Variants in PCDHA13 observed in about 807,000 individuals in gnomAD.
PCDHA13 encodes the protein protocadherin alpha 13, also known as protocadherin alpha-13.
In PCDHA13, 54 loss-of-function variants were observed where a neutral mutation model predicts 64.8. That is an observed-to-expected ratio of 0.83 (90% CI 0.67 to 1.04). The LOEUF is 1.04. Ranked by LOEUF, PCDHA13 falls within the 50% of genes least tolerant of loss-of-function variation. The pLI, the probability that PCDHA13 is intolerant of heterozygous loss-of-function variation, is 0.00. For missense variants in PCDHA13, 1,248 were observed against 1,254.3 expected (o/e 0.99, Z 0.08); for synonymous variants, 587 against 564.4 (o/e 1.04, Z -0.57).
intron 1 of PCDHA13, among the ~76,000 whole-genome samples, chr5:140,924,421 A>G (rs2081827627): frequency 6.6e-6 from 1 of 152,172 alleles, no homozygotes; most frequent in Non-Finnish European, 1.5e-5. Flanking sequence ...TGCCCTTTCT[A>G]GTTCCCTAGA....
intron 1 of PCDHA13, among the ~76,000 whole-genome samples, chr5:140,963,794 A>G (rs2095791576): frequency 6.6e-6 from 1 of 152,248 alleles, no homozygotes; most frequent in Non-Finnish European, 1.5e-5. Flanking sequence ...ACAATAATGT[A>G]CTTAACTAGT....
At chr5:140,908,662 G>C (rs1489476593) in intron 1 of PCDHA13, among the ~76,000 whole-genome samples, 4 of 152,114 alleles carry the variant, frequency 2.6e-5, no homozygotes, top group Non-Finnish European at 4.4e-5. Context: ...CCTGCCAAAG[G>C]CTCCAAATAG....
chr5:140,954,737 T>C (rs1208625491), intron 1 of PCDHA13, among the ~76,000 whole-genome samples: 38 of 152,210 alleles, frequency 2.5e-4, no homozygotes, highest in Non-Finnish European at 1.5e-5. Flanking sequence ...TTCACTCTGA[T>C]GATAGTTTCT....
At chr5:140,919,658 T>G (rs1271844986) in intron 1 of PCDHA13, among the ~76,000 whole-genome samples, 1 of 152,230 alleles carries the variant, frequency 6.6e-6, no homozygotes, top group South Asian at 2.1e-4. Context: ...GTTTACCATA[T>G]ATATTTTAGC....
intron 1 of PCDHA13, among the ~76,000 whole-genome samples, chr5:140,898,404 A>G (rs1170692741): frequency 1.3e-5 from 2 of 152,242 alleles, no homozygotes; most frequent in Non-Finnish European, 2.9e-5. Flanking sequence ...AGCTTTCTAC[A>G]TACGGCTAGC....
chr5:140,904,416 A>T (rs930452191), intron 1 of PCDHA13, among the ~76,000 whole-genome samples: 1 of 150,980 alleles, frequency 6.6e-6, no homozygotes, highest in Non-Finnish European at 1.5e-5. Context: ...TATATAATAC[A>T]TATATTTTAT....
rs2096504149 is a variant in PCDHA13 at position 140,971,885 on chromosome 5, T to G, written c.2395-7064T>G. Among the ~76,000 whole-genome samples the G allele has an allele frequency of 2.0e-5, 3 of 152,134 alleles. No individual in the cohort carries two copies. In the South Asian group the frequency reaches 6.2e-4, roughly 31 times the overall value. ...ACATCTAGCATATGAGGAAATAAGC[T>G]CAGGGAGGTTAGGTAATCTACACAG... On this transcript the variant is annotated intron_variant, in intron 1 of 3. Coordinates refer to ENST00000289272, the MANE Select transcript of PCDHA13 (RefSeq NM_018904.3).
intron 1 of PCDHA13, chr5:140,968,356 C>T (rs1586289885): frequency 1.2e-6 from 2 of 1,614,062 alleles, no homozygotes; most frequent in Non-Finnish European, 1.7e-6. Context: ...CCAGTGGCAG[C>T]CTTTATGCTG....
At chr5:140,903,609 A>G (rs565435427) in intron 1 of PCDHA13, among the ~76,000 whole-genome samples, 2 of 152,360 alleles carry the variant, frequency 1.3e-5, no homozygotes, top group Admixed American at 6.5e-5. Flanking sequence ...CTTAATACAC[A>G]TGAATGTGCA....
chr5:140,899,407 T>C (rs1183210224), intron 1 of PCDHA13, among the ~76,000 whole-genome samples: 2 of 152,226 alleles, frequency 1.3e-5, no homozygotes, highest in Non-Finnish European at 2.9e-5. Context: ...TGAAGGGTTG[T>C]TGAATTTTGT....
At chr5:140,912,824 A>T (rs1391588183) in intron 1 of PCDHA13, among the ~76,000 whole-genome samples, 3 of 152,170 alleles carry the variant, frequency 2.0e-5, no homozygotes, top group Non-Finnish European at 4.4e-5. Flanking sequence ...AGGGATTTTG[A>T]ATTTTATTAA....
rs782527785 is a variant in PCDHA13, at chr5:140,882,593, A to C, written c.325A>C (p.Ile109Leu). 1.9e-6 allele frequency: 3 copies of C among 1,614,126 alleles called. No homozygotes were observed. In the African/African-American group the frequency reaches 4.0e-5, roughly 22 times the overall value. Residue 109 changes from isoleucine (I) to leucine (L), a missense_variant, in exon 1 of 4, where the codon ATC becomes CTC. Ile to Leu is a conservative substitution (Grantham distance 5). Coordinates refer to ENST00000289272, the MANE Select transcript of PCDHA13 (RefSeq NM_018904.3). ...GGAGTGCAGCATCCACCTGGAGGTG[A>C]TCGTGGACAGGCCTCTGCAGGTTTT... ...SAECSIHLEV[I>L]VDRPLQVFHV... is the part of the protein sequence containing the mutation.
At chr5:140,985,148 A>G (rs2097138818) in intron 3 of PCDHA13, among the ~76,000 whole-genome samples, 1 of 152,192 alleles carries the variant, frequency 6.6e-6, no homozygotes, top group South Asian at 2.1e-4. Context: ...CGTGTTAGCC[A>G]GGATTGTCTC....
Position 140,883,475 on chromosome 5 carries a change from AACT to A in PCDHA13, c.1214_1216del (p.Tyr405del). 1 of 1,614,106 alleles carries A rather than the reference AACT, an allele frequency of 6.2e-7. No individual in the cohort carries two copies. On this transcript the variant is annotated inframe_deletion, in exon 1 of 4. Transcript: ENST00000289272. ...CTTCAAGCTGGTGTCCACCTACAAG[AACT>A]ACTACTCATTAGTGCTGGACAGCGC...
rs116743674 is a variant in PCDHA13, at chr5:140,927,144, A to G, written c.2394+42482A>G. On this transcript the variant is annotated intron_variant, in intron 1 of 3. Transcript: ENST00000289272. ...TGGTCAGAGAGCCGGCGGACCGCGA[A>G]CAGCTGTGCAGGGCCAAAGCTGCCT... 3.2e-3 allele frequency: 5,191 copies of G among 1,614,096 alleles called. 26 individuals are homozygous for G. The highest frequency in any genetic ancestry group is 0.019 in the African/African-American group (1,449 of 75,034).
In PCDHA13 at chr5:140,883,981, C is replaced by T. The variant is rs781859248; in HGVS notation, c.1713C>T (p.Gly571=). 9.3e-6 allele frequency: 15 copies of T among 1,612,896 alleles called. No homozygotes were observed. In the South Asian group the frequency reaches 1.5e-4, roughly 17 times the overall value. ...NAPALLTPGA[G]SAGGTVSELM... ...CGGCGCTGCTGACGCCCGGGGCTGG[C>T]AGCGCGGGAGGCACAGTGAGCGAGC... Residue 571 remains glycine (G), a synonymous_variant, in exon 1 of 4, where the codon GGC becomes GGT. Coordinates refer to ENST00000289272, the MANE Select transcript of PCDHA13 (RefSeq NM_018904.3).
In PCDHA13 at chr5:140,883,523, T is replaced by A; in HGVS notation, c.1255T>A (p.Ser419Thr). 6.2e-7 allele frequency: 1 copy of A among 1,614,226 alleles called. No homozygotes were observed. The highest frequency in any genetic ancestry group is 8.5e-7 in the Non-Finnish European group (1 of 1,180,040). ...LDSALDRESV[S>T]AYELVVTARD... ...CAGCGCCCTGGACCGCGAGAGCGTA[T>A]CAGCCTATGAACTGGTGGTGACCGC... Residue 419 changes from serine (S) to threonine (T), a missense_variant, in exon 1 of 4, where the codon TCA becomes ACA. Transcript: ENST00000289272.
In PCDHA13 at chr5:140,882,907, A is replaced by T. The variant is rs11744560; in HGVS notation, c.639A>T (p.Thr213=). ...TTCAGGAACATAGTTTATTACTGACAGCCAGTGATGGAGGTAAACCCGAGC... is the reference window on the plus strand; with the variant it reads ...TTCAGGAACATAGTTTATTACTGACTGCCAGTGATGGAGGTAAACCCGAGC... The part of the protein sequence containing the change: ...EEIQEHSLLL[T]ASDGGKPELT... Residue 213 remains threonine, a synonymous_variant, in exon 1 of 4, where the codon ACA becomes ACT. Coordinates refer to ENST00000289272, the MANE Select transcript of PCDHA13 (RefSeq NM_018904.3). 226,049 of 1,614,134 alleles carry T rather than the reference A, an allele frequency of 0.14. 16,618 individuals carry two copies. The highest frequency in any genetic ancestry group is 0.18 in the Middle Eastern group (1,098 of 6,062).
intron 1 of PCDHA13, among the ~76,000 whole-genome samples, chr5:140,890,310 G>C (rs1554184247): frequency 6.6e-6 from 1 of 152,160 alleles, no homozygotes; most frequent in African/African-American, 2.4e-5. Context: ...GTAATATTAA[G>C]TTGTTTTAAG....
Sources: gnomAD v4.1 joint callset for allele counts (sites outside exome capture counted in the v4.1 genomes callset) on GRCh38, gnomAD v4.1.1 for gene constraint, MANE v1.5 for transcripts, NCBI Gene and HGNC (gene_info 2026-07-23, HGNC 2026-07-21) for gene names.